The following EPB41 variants were observed in gnomAD, a reference collection of about 807,000 sequenced individuals.
The protein encoded by EPB41 is protein 4.1.
Under a neutral mutation model 108.0 loss-of-function variants are expected in EPB41, and 65 were observed. The ratio of observed to expected loss-of-function variants is 0.60; its 90% confidence interval spans 0.49 to 0.74. EPB41 has a LOEUF of 0.74. Ranked by LOEUF, EPB41 falls within the 30% of genes least tolerant of loss-of-function variation. EPB41 has a pLI of 0.00. For synonymous variants in EPB41, 336 were observed against 358.9 expected (o/e 0.94, Z 0.72); for missense variants, 875 against 1,037.0 (o/e 0.84, Z 2.15).
At chr1:29,090,213 A>G (rs1660688615) in intron 16 of EPB41, among the ~76,000 whole-genome samples, 1 of 152,232 alleles carries the variant, frequency 6.6e-6, no homozygotes, top group African/African-American at 2.4e-5. Flanking sequence ...CAGTGAATCA[A>G]GATTGCACCA....
At chr1:28,921,781 A>T (rs1206838066) in intron 1 of EPB41, among the ~76,000 whole-genome samples, 1 of 151,752 alleles carries the variant, frequency 6.6e-6, no homozygotes, top group African/African-American at 2.4e-5. Context: ...TCTGGTGTTG[A>T]AAATGAGCTC....
At chr1:29,029,967 G>T (rs927303525) in intron 7 of EPB41, among the ~76,000 whole-genome samples, 3 of 152,148 alleles carry the variant, frequency 2.0e-5, no homozygotes, top group Non-Finnish European at 4.4e-5. Flanking sequence ...AGAGAAAAAG[G>T]CAGCTATAAG....
chr1:29,049,848 T>C (rs1411937903), intron 11 of EPB41, among the ~76,000 whole-genome samples: 1 of 152,206 alleles, frequency 6.6e-6, no homozygotes, highest in Non-Finnish European at 1.5e-5. Context: ...ATTGTCTATA[T>C]ATGCACCAAA....
intron 1 of EPB41, among the ~76,000 whole-genome samples, chr1:28,898,184 G>A (rs2090918187): frequency 6.6e-6 from 1 of 152,140 alleles, no homozygotes; most frequent in Non-Finnish European, 1.5e-5. Flanking sequence ...GCCCACGTCA[G>A]GCAGACCTTT....
Position 29,109,354 on chromosome 1 carries a change from G to A in EPB41, c.2332G>A (p.Asp778Asn), listed in dbSNP as rs758031577. Reference sequence around the variant, plus strand: ...TCTGCAGACTGACGACAACAGTGGAGACTTGGACCCAGGAGTCTTGCTGAC... The same window carrying A: ...TCTGCAGACTGACGACAACAGTGGAAACTTGGACCCAGGAGTCTTGCTGAC... Reference protein sequence around the residue: ...EAAQTDDNSGDLDPGVLLTAQ... With the variant: ...EAAQTDDNSGNLDPGVLLTAQ... The change falls in exon 18 of 21, where the codon GAC (aspartate) becomes AAC (asparagine). Residue 778 changes from aspartate to asparagine, a missense_variant. Asp to Asn is a conservative substitution (Grantham distance 23). Transcript: ENST00000343067. 6.2e-7 allele frequency: 1 copy of A among 1,614,116 alleles called. No homozygotes were observed. The highest frequency in any genetic ancestry group is 1.7e-5 in the Admixed American group (1 of 60,014).
chr1:29,016,736 T>TA (rs11416095), intron 6 of EPB41, among the ~76,000 whole-genome samples: 119,156 of 152,090 alleles, frequency 0.78, 47,159 homozygotes, highest in East Asian at 0.92. Flanking sequence ...CAATATATTA[T>TA]AAGTACTACT....
intron 1 of EPB41, among the ~76,000 whole-genome samples, chr1:28,926,646 C>T (rs1450952782): frequency 6.6e-6 from 1 of 152,212 alleles, no homozygotes; most frequent in African/African-American, 2.4e-5. Context: ...ATAATACTCA[C>T]ATTGCAGATA....
intron 14 of EPB41, among the ~76,000 whole-genome samples, chr1:29,059,328 A>G (rs1646111044): frequency 2.6e-5 from 4 of 152,156 alleles, no homozygotes; most frequent in Admixed American, 2.6e-4. Flanking sequence ...GTTTCATTAA[A>G]CTTTTCAGTA....
At chr1:29,112,967 A>G (rs948211200) in intron 19 of EPB41, among the ~76,000 whole-genome samples, 7 of 152,202 alleles carry the variant, frequency 4.6e-5, no homozygotes, top group African/African-American at 1.2e-4. Context: ...GGAGCATAGT[A>G]TGGTGGACAA....
intron 1 of EPB41, among the ~76,000 whole-genome samples, chr1:28,918,908 A>G (rs2092876089): frequency 6.6e-6 from 1 of 152,160 alleles, no homozygotes; most frequent in Non-Finnish European, 1.5e-5. Context: ...CGTCCTTTTT[A>G]AGAGTGGGTT....
At position 29,112,582 on chromosome 1, in the gene EPB41, C is replaced by T. The variant is rs560173202; in HGVS notation, c.2496+134C>T. 6.3e-5 allele frequency: 45 copies of T among 718,170 alleles called. 1 individual carries two copies. The highest frequency in any genetic ancestry group is 4.8e-4 in the African/African-American group (27 of 56,242). The allele number at this position is 718,170 out of a possible 1,614,324, so 44.5% of individuals were successfully genotyped here. On this transcript the variant is annotated intron_variant, in intron 19 of 20. Transcript: ENST00000343067. The stretch of plus-strand genomic sequence containing the variant: ...TCTAGCTCTTAATTGAGAAGAAAGA[C>T]AAAGACAATCAAAGTAAGAGGCCTG...
At chr1:29,080,179 C>T (rs566722835) in intron 16 of EPB41, among the ~76,000 whole-genome samples, 39 of 151,100 alleles carry the variant, frequency 2.6e-4, no homozygotes, top group African/African-American at 8.2e-4. Flanking sequence ...AGTGCAGTGG[C>T]GCAATCTTGG....
At chr1:28,899,304 TA>T (rs1442596509) in intron 1 of EPB41, among the ~76,000 whole-genome samples, 1 of 152,186 alleles carries the variant, frequency 6.6e-6, no homozygotes, top group African/African-American at 2.4e-5. Context: ...TGCTGCCTCT[TA>T]AAAACTTCTT....
chr1:28,974,794 G>GT (rs1184802072), intron 1 of EPB41, among the ~76,000 whole-genome samples: 5 of 146,806 alleles, frequency 3.4e-5, no homozygotes, highest in African/African-American at 1.3e-4. Context: ...TTTCAGTTTT[G>GT]TTTTTGTTTT....
intron 14 of EPB41, among the ~76,000 whole-genome samples, chr1:29,059,514 A>G (rs889530324): frequency 8.6e-5 from 13 of 151,922 alleles, no homozygotes; most frequent in Admixed American, 5.2e-4. Context: ...GATGGCTCAC[A>G]CCTGTAATCC....
chr1:29,036,884 G>A (rs2150383176), intron 10 of EPB41, among the ~76,000 whole-genome samples: 1 of 151,764 alleles, frequency 6.6e-6, no homozygotes, highest in Admixed American at 6.6e-5. Flanking sequence ...GTTTCACTGT[G>A]TTAGCCAGGA....
intron 16 of EPB41, among the ~76,000 whole-genome samples, chr1:29,073,876 A>T (rs1269049869): frequency 6.6e-6 from 1 of 152,138 alleles, no homozygotes; most frequent in Non-Finnish European, 1.5e-5. Context: ...GCATCCTAGG[A>T]CCTGGTACAT....
intron 1 of EPB41, among the ~76,000 whole-genome samples, chr1:28,977,129 A>G (rs1438881964): frequency 6.6e-6 from 1 of 152,196 alleles, no homozygotes; most frequent in Non-Finnish European, 1.5e-5. Context: ...CTGGGATTAC[A>G]GGTGTGAGCC....
intron 1 of EPB41, among the ~76,000 whole-genome samples, chr1:28,939,507 G>C (rs973074610): frequency 1.3e-5 from 2 of 151,862 alleles, no homozygotes; most frequent in African/African-American, 4.8e-5. Context: ...GCAGTGGTGC[G>C]ATCTTGGCTC....
Sources: gnomAD v4.1 joint callset for allele counts (sites outside exome capture counted in the v4.1 genomes callset) on GRCh38, gnomAD v4.1.1 for gene constraint, MANE v1.5 for transcripts, NCBI Gene and HGNC (gene_info 2026-07-23, HGNC 2026-07-21) for gene names.